The following SIPA1L1 variants were observed in gnomAD, a reference collection of about 807,000 sequenced individuals.
The protein encoded by SIPA1L1 is signal-induced proliferation-associated 1-like protein 1.
A neutral mutation model predicts 162.7 loss-of-function variants in SIPA1L1; 26 were observed. That is an observed-to-expected ratio of 0.16 (90% CI 0.12 to 0.22). The LOEUF (loss-of-function observed/expected upper bound fraction) is 0.22, where lower values mean the gene tolerates loss of function less well. Among genes scored for constraint, SIPA1L1 ranks in the 10% least tolerant of loss-of-function variants. The probability of loss-of-function intolerance (pLI) is 1.00; values close to 1 mark genes in which losing one functional copy is unlikely to be tolerated. For synonymous variants in SIPA1L1, 829 were observed against 837.4 expected, an observed-to-expected ratio of 0.99 and a Z score of 0.17; for missense variants, 1,874 against 2,241.0, an observed-to-expected ratio of 0.84 and a Z score of 3.31.
chr14:71,646,289 G>A (rs1246927531), intron 7 of SIPA1L1, among the ~76,000 whole-genome samples: 1 of 151,010 alleles, frequency 6.6e-6, no homozygotes, highest in Admixed American at 6.6e-5. Flanking sequence ...CCATTCTCCT[G>A]CCTCAGCCTC....
At chr14:71,431,109 A>G (rs1486999946) in intron 2 of SIPA1L1, among the ~76,000 whole-genome samples, 1 of 152,226 alleles carries the variant, frequency 6.6e-6, no homozygotes, top group East Asian at 1.9e-4. Context: ...TAAATGCACG[A>G]TATGCTTTTA....
intron 2 of SIPA1L1, among the ~76,000 whole-genome samples, chr14:71,445,325 T>A (rs1417179157): frequency 6.6e-6 from 1 of 152,144 alleles, no homozygotes; most frequent in Non-Finnish European, 1.5e-5. Context: ...CAGAATTCAC[T>A]TTTTTTGTCT....
At chr14:71,710,601 A>T (rs985059492) in intron 17 of SIPA1L1, among the ~76,000 whole-genome samples, 1 of 152,152 alleles carries the variant, frequency 6.6e-6, no homozygotes, top group African/African-American at 2.4e-5. Context: ...TGAGGTCAGG[A>T]GTTTGAGACC....
At chr14:71,465,890 A>G (rs977346012) in intron 2 of SIPA1L1, among the ~76,000 whole-genome samples, 3 of 152,216 alleles carry the variant, frequency 2.0e-5, no homozygotes, top group Admixed American at 6.5e-5. Flanking sequence ...GCATGGGAGA[A>G]AGATGTAGGC....
In SIPA1L1 at chr14:71,739,436, C is replaced by A. The variant is rs181088213; in HGVS notation, c.*275C>A. ...ATGTCTTTATTTTTTTGCACAATATCTTTATCTGTTATGTATTTAAGAAGA... is the reference window on the plus strand; with the variant it reads ...ATGTCTTTATTTTTTTGCACAATATATTTATCTGTTATGTATTTAAGAAGA... On this transcript the variant is annotated 3_prime_UTR_variant, in exon 24 of 24. Transcript: ENST00000381232. 9.0e-6 allele frequency: 2 copies of A among 222,432 alleles called. No homozygotes were observed. Among genetic ancestry groups the A allele is most frequent in the Non-Finnish European group, 1.8e-5 (2 of 114,034 alleles). 13.8% of individuals were successfully genotyped at this position (222,432 alleles called of 1,614,324 possible). A position where few individuals can be genotyped will look rare whatever the true frequency, so the allele number is the denominator to read the frequency against.
At chr14:71,363,838 G>A (rs2038029722) in intron 2 of SIPA1L1, among the ~76,000 whole-genome samples, 1 of 152,182 alleles carries the variant, frequency 6.6e-6, no homozygotes, top group Non-Finnish European at 1.5e-5. Flanking sequence ...TACAGATGAT[G>A]TGTGGACCTA....
In SIPA1L1 at chr14:71,693,802, T is replaced by TG. The variant is rs527887627; in HGVS notation, c.3375-5178dup. Among the ~76,000 whole-genome samples the TG allele has an allele frequency of 3.0e-4, 46 of 152,174 alleles. 1 individual carries two copies. The East Asian group carries it at 7.3e-3, about 24-fold the overall frequency. ...AAGACAGAAGACTTTAACTTGGTCCTGTTCCCTGGTTGGATAGCAATTGCT... is the reference window on the plus strand; with the variant it reads ...AAGACAGAAGACTTTAACTTGGTCCTGGTTCCCTGGTTGGATAGCAATTGCT... On this transcript the variant is annotated intron_variant, in intron 13 of 23. Transcript: ENST00000381232.
chr14:71,345,978 G>A (rs901225560), intron 2 of SIPA1L1, among the ~76,000 whole-genome samples: 1 of 151,894 alleles, frequency 6.6e-6, no homozygotes, highest in Non-Finnish European at 1.5e-5. Context: ...CACGATCTTC[G>A]CTCACTGCAG....
At chr14:71,582,803 G>C (rs1331949690) in intron 4 of SIPA1L1, among the ~76,000 whole-genome samples, 1 of 152,136 alleles carries the variant, frequency 6.6e-6, no homozygotes, top group Non-Finnish European at 1.5e-5. Context: ...TTTGTTGAAG[G>C]GAGAATACAG....
At chr14:71,637,835 G>A (rs2148863269) in intron 7 of SIPA1L1, among the ~76,000 whole-genome samples, 1 of 152,206 alleles carries the variant, frequency 6.6e-6, no homozygotes, top group East Asian at 1.9e-4. Context: ...GAAGGTCTTG[G>A]AACATATCCC....
At chr14:71,496,675 A>G (rs1027342036) in intron 2 of SIPA1L1, among the ~76,000 whole-genome samples, 20 of 152,136 alleles carry the variant, frequency 1.3e-4, no homozygotes, top group African/African-American at 4.8e-4. Flanking sequence ...TATTCTGTCA[A>G]TTATTTAGAG....
At position 71,702,918 on chromosome 14, in the gene SIPA1L1, T is replaced by C. The variant is rs2149852690; in HGVS notation, c.3646+413T>C. 1.3e-5 allele frequency among the ~76,000 whole-genome samples: 2 copies of C among 152,350 alleles called. 1 individual carries two copies. The highest frequency in any genetic ancestry group is 4.1e-4 in the South Asian group (2 of 4,822). On this transcript the variant is annotated intron_variant, in intron 15 of 23. Transcript: ENST00000381232. The stretch of plus-strand genomic sequence containing the variant: ...TTATTGTTTAGTCACATCCGTAGCT[T>C]GCTTAGAATCTCTTTCCTCCCTGAT...
intron 2 of SIPA1L1, among the ~76,000 whole-genome samples, chr14:71,442,172 CAAAAAAAAAAAAAAAAAA>C (rs368432068): frequency 3.8e-5 from 1 of 26,092 alleles, no homozygotes; most frequent in Admixed American, 4.5e-4. Context: ...GACTCTGTCT[CAAAAAAAAAAAAAAAAAA>C]AAAAAAAAAG....
chr14:71,511,152 TCA>T (rs1421032458), intron 2 of SIPA1L1, among the ~76,000 whole-genome samples: 1 of 152,232 alleles, frequency 6.6e-6, no homozygotes, highest in Non-Finnish European at 1.5e-5. Context: ...CCTTTAAAAC[TCA>T]CAGTGTTTCC....
chr14:71,628,148 A>C (rs958258611), intron 7 of SIPA1L1, among the ~76,000 whole-genome samples: 1 of 152,190 alleles, frequency 6.6e-6, no homozygotes, highest in African/African-American at 2.4e-5. Context: ...AAAAAACTAC[A>C]CTGTGAAGTA....
intron 4 of SIPA1L1, among the ~76,000 whole-genome samples, chr14:71,532,145 T>A (rs2053505576): frequency 6.6e-6 from 1 of 152,322 alleles, no homozygotes; most frequent in Admixed American, 6.5e-5. Flanking sequence ...AACATTAACA[T>A]CTTTTGTTGA....
At chr14:71,549,647 T>C (rs1164478917) in intron 4 of SIPA1L1, among the ~76,000 whole-genome samples, 1 of 152,148 alleles carries the variant, frequency 6.6e-6, no homozygotes, top group Admixed American at 6.5e-5. Context: ...ATCTGTTGGG[T>C]CACTCTGGTA....
chr14:71,540,996 C>G (rs1312384078), intron 4 of SIPA1L1, among the ~76,000 whole-genome samples: 1 of 152,060 alleles, frequency 6.6e-6, no homozygotes, highest in Non-Finnish European at 1.5e-5. Flanking sequence ...GACGTGGTGG[C>G]ACACACCTGT....
chr14:71,571,270 A>C (rs1019880084), intron 4 of SIPA1L1, among the ~76,000 whole-genome samples: 7 of 152,132 alleles, frequency 4.6e-5, no homozygotes, highest in Non-Finnish European at 8.8e-5. Context: ...AAAATAAGAA[A>C]GTGTTCAGGT....
Sources: gnomAD v4.1 joint callset for allele counts (sites outside exome capture counted in the v4.1 genomes callset) on GRCh38, gnomAD v4.1.1 for gene constraint, MANE v1.5 for transcripts, NCBI Gene and HGNC (gene_info 2026-07-23, HGNC 2026-07-21) for gene names.